LAMA3: variants seen among roughly 807,000 people sequenced by gnomAD.
The protein encoded by LAMA3 is laminin subunit alpha-3.
In LAMA3, 281 loss-of-function variants were observed where a neutral mutation model predicts 402.0. That is an observed-to-expected ratio of 0.70 (90% CI 0.63 to 0.77). LAMA3 has a LOEUF of 0.77. Among genes scored for constraint, LAMA3 ranks in the 30% least tolerant of loss-of-function variants. The probability of loss-of-function intolerance (pLI) is 0.00; values close to 1 mark genes in which losing one functional copy is unlikely to be tolerated. For synonymous variants in LAMA3, 1,431 were observed against 1,558.4 expected, an observed-to-expected ratio of 0.92 and a Z score of 1.93; for missense variants, 3,840 against 4,215.5, an observed-to-expected ratio of 0.91 and a Z score of 2.47.
At chr18:23,857,623 T>G (rs1170633822) in intron 32 of LAMA3, among the ~76,000 whole-genome samples, 1 of 152,266 alleles carries the variant, frequency 6.6e-6, no homozygotes, top group African/African-American at 2.4e-5. Context: ...CTGACCCATC[T>G]ACGACGGTCA....
At chr18:23,701,479 A>C (rs1484796478) in intron 1 of LAMA3, among the ~76,000 whole-genome samples, 1 of 152,238 alleles carries the variant, frequency 6.6e-6, no homozygotes, top group Non-Finnish European at 1.5e-5. Flanking sequence ...CACAGGTATC[A>C]GTCTGCAATT....
chr18:23,930,859 A>C (rs1056915484), intron 64 of LAMA3, among the ~76,000 whole-genome samples: 3 of 152,278 alleles, frequency 2.0e-5, no homozygotes, highest in Admixed American at 2.0e-4. Flanking sequence ...TGGTGTTGAC[A>C]TAATTTGCAT....
At chr18:23,756,825 G>A (rs2061853609) in intron 6 of LAMA3, among the ~76,000 whole-genome samples, 1 of 152,078 alleles carries the variant, frequency 6.6e-6, no homozygotes, top group Non-Finnish European at 1.5e-5. Flanking sequence ...TGGATGGGGC[G>A]CCTGCACCCA....
At chr18:23,787,918 T>C (rs1208134940) in intron 12 of LAMA3, among the ~76,000 whole-genome samples, 1 of 152,182 alleles carries the variant, frequency 6.6e-6, no homozygotes, top group Admixed American at 6.5e-5. Context: ...AATATTTTTA[T>C]ACATTCTTCT....
chr18:23,914,262 C>G, intron 56 of LAMA3, 148 bp from the exon 57 acceptor site: 1 of 767,288 alleles, frequency 1.3e-6, no homozygotes, highest in Non-Finnish European at 2.2e-6. Flanking sequence ...CTATATTATT[C>G]TATAAAATAT....
rs369544739 is a variant in LAMA3 at position 23,815,207 on chromosome 18, G to A, written c.1908G>A (p.Ala636=). 3.2e-5 allele frequency: 51 copies of A among 1,614,044 alleles called. No homozygotes were observed. Among genetic ancestry groups the A allele is most frequent in the African/African-American group, 5.3e-5 (4 of 74,946 alleles). ...CCACAGAATGCAAGTGCCATAAGGC[G>A]GGAACAGTGAGTGGAACTGGAGAGT... ...SGCSECKCHK[A]GTVSGTGECR... Residue 636 remains alanine (A), a synonymous_variant, in exon 16 of 75, where the codon GCG becomes GCA. Transcript: ENST00000313654.
chr18:23,893,970 T>C (rs2080784845), intron 42 of LAMA3, among the ~76,000 whole-genome samples: 1 of 152,112 alleles, frequency 6.6e-6, no homozygotes, highest in African/African-American at 2.4e-5. Context: ...GAGTTGACCT[T>C]TGTAGTGAAG....
At chr18:23,725,632 G>C (rs1195595169) in intron 2 of LAMA3, among the ~76,000 whole-genome samples, 1 of 152,208 alleles carries the variant, frequency 6.6e-6, no homozygotes, top group East Asian at 1.9e-4. Flanking sequence ...TGGGTCCCCA[G>C]GCGGCCTCAG....
At chr18:23,855,791 A>G (rs1219023552) in intron 32 of LAMA3, among the ~76,000 whole-genome samples, 1 of 152,138 alleles carries the variant, frequency 6.6e-6, no homozygotes, top group East Asian at 1.9e-4. Context: ...ACATTACTCT[A>G]AGTGTGGTTT....
intron 39 of LAMA3, among the ~76,000 whole-genome samples, chr18:23,881,197 T>G (rs193080355): frequency 6.6e-6 from 1 of 152,356 alleles, no homozygotes; most frequent in Non-Finnish European, 1.5e-5. Context: ...AACACTTTAC[T>G]GAAGAACAAA....
At chr18:23,928,853 G>T in intron 64 of LAMA3, 88 bp downstream of exon 64, 1 of 1,266,644 alleles carries the variant, frequency 7.9e-7, no homozygotes. Flanking sequence ...AGAAAGTGGT[G>T]GAGTTGTACA....
At chr18:23,819,327 G>A (rs2063237223) in intron 18 of LAMA3, among the ~76,000 whole-genome samples, 1 of 152,050 alleles carries the variant, frequency 6.6e-6, no homozygotes, top group African/African-American at 2.4e-5. Flanking sequence ...GCATAGAAGA[G>A]TCATTCTAAT....
chr18:23,893,690 C>A (rs995483702), intron 42 of LAMA3, among the ~76,000 whole-genome samples: 1 of 152,190 alleles, frequency 6.6e-6, no homozygotes, highest in Non-Finnish European at 1.5e-5. Flanking sequence ...ACATCTGTCA[C>A]ACTGTTTTGT....
chr18:23,751,049 C>T lies in LAMA3; in HGVS notation c.816C>T (p.Leu272=), dbSNP rs374688140. ...FLRTNTLLGH[L]ISKAQRDPTV... The stretch of plus-strand genomic sequence containing the variant: ...GAACCAATACGCTTCTTGGACACCT[C>T]ATCTCCAAAGCCCAGCGAGATCCAA... Residue 272 remains leucine, a synonymous_variant, in exon 5 of 75, where the codon CTC becomes CTT. Coordinates refer to ENST00000313654, the MANE Select transcript of LAMA3 (RefSeq NM_198129.4). 9 of 1,614,030 alleles carry T rather than the reference C, an allele frequency of 5.6e-6. No individual in the cohort carries two copies. In the African/African-American group the frequency reaches 1.1e-4, roughly 19 times the overall value.
At chr18:23,878,482 G>A (rs150754366) in intron 39 of LAMA3, among the ~76,000 whole-genome samples, 13 of 152,290 alleles carry the variant, frequency 8.5e-5, no homozygotes, top group South Asian at 2.1e-4. Flanking sequence ...CAATGTGTAT[G>A]TGTGTACACA....
At chr18:23,911,630 A>C (rs1381365236) in intron 55 of LAMA3, among the ~76,000 whole-genome samples, 2 of 151,868 alleles carry the variant, frequency 1.3e-5, no homozygotes, top group Non-Finnish European at 2.9e-5. Context: ...AGAGAGCTCA[A>C]GAAGCGCTAT....
At chr18:23,793,724 CA>C (rs1289329725) in intron 12 of LAMA3, among the ~76,000 whole-genome samples, 1 of 152,128 alleles carries the variant, frequency 6.6e-6, no homozygotes, top group East Asian at 1.9e-4. Context: ...TTCCCATCAC[CA>C]AGCAGCAGCC....
At chr18:23,904,232 G>T in intron 50 of LAMA3, 145 bp downstream of exon 50, 1 of 904,880 alleles carries the variant, frequency 1.1e-6, no homozygotes, top group Non-Finnish European at 1.8e-6. Flanking sequence ...AATGCCCCAG[G>T]CCCAAGTCAG....
intron 52 of LAMA3, among the ~76,000 whole-genome samples, chr18:23,906,895 T>C (rs1447198281): frequency 6.6e-6 from 1 of 152,178 alleles, no homozygotes; most frequent in Admixed American, 6.5e-5. Context: ...ATCAAGATGG[T>C]CTTAAAGCAT....
Sources: allele counts gnomAD v4.1 joint callset (sites outside exome capture counted in the v4.1 genomes callset), GRCh38; gene constraint gnomAD v4.1.1; transcripts MANE v1.5; gene names NCBI Gene and HGNC (gene_info 2026-07-23, HGNC 2026-07-21).